The following TPD52L1 variants were observed in gnomAD, a reference collection of about 807,000 sequenced individuals.
TPD52L1 encodes the protein TPD52 like 1.
A neutral mutation model predicts 28.7 loss-of-function variants in TPD52L1; 18 were observed. That is an observed-to-expected ratio of 0.63 (90% confidence interval 0.43 to 0.93). The LOEUF (loss-of-function observed/expected upper bound fraction) is 0.93, where lower values mean the gene tolerates loss of function less well. TPD52L1 is among the 40% of genes least tolerant of loss of function. TPD52L1 has a pLI of 0.00. For missense variants in TPD52L1, 203 were observed against 254.8 expected (o/e 0.80, Z 1.39); for synonymous variants, 75 against 88.8 (o/e 0.84, Z 0.88).
chr6:125,187,291 T>C (rs1362610609), intron 1 of TPD52L1, among the ~76,000 whole-genome samples: 2 of 152,194 alleles, frequency 1.3e-5, no homozygotes, highest in Non-Finnish European at 2.9e-5. Context: ...ATAATTCCAA[T>C]TGCTGACAAG....
chr6:125,225,119 G>C (rs1259215759), intron 2 of TPD52L1, among the ~76,000 whole-genome samples: 1 of 152,164 alleles, frequency 6.6e-6, no homozygotes, highest in Admixed American at 6.5e-5. Context: ...TTTGTGTCTG[G>C]CTTCTTTCAC....
chr6:125,260,898 GAGAAAGAAAGGAAAGAAAGAAAGAAGAA>G lies in TPD52L1; in HGVS notation c.487-1925_487-1898del, dbSNP rs1562407898. On this transcript the variant is annotated intron_variant, in intron 6 of 6. Transcript: ENST00000534000. ...GAAAGAAAGAAAAAGAAAAGAGAGG[GAGAAAGAAAGGAAAGAAAGAAAGAAGAA>G]AGAAAGAAAGAAAGAAAGAAAGAAA... is the stretch of plus-strand genomic sequence containing the variant. The G allele has an allele frequency of 2.0e-4, 28 of 141,064 alleles. 2 individuals are homozygous for G. In the East Asian group the frequency reaches 5.8e-3, roughly 29 times the overall value. 8.7% of individuals were successfully genotyped at this position (141,064 alleles called of 1,614,324 possible).
intron 3 of TPD52L1, among the ~76,000 whole-genome samples, chr6:125,244,938 C>G (rs945989275): frequency 2.0e-5 from 3 of 152,190 alleles, no homozygotes; most frequent in Non-Finnish European, 4.4e-5. Context: ...TGCTCGCCCC[C>G]TTCCCTTAGA....
chr6:125,226,843 G>A lies in TPD52L1; in HGVS notation c.136-2275G>A, dbSNP rs78347651. 2.0e-3 allele frequency among the ~76,000 whole-genome samples: 309 copies of A among 152,250 alleles called. 2 individuals carry two copies. Among genetic ancestry groups the A allele is most frequent in the African/African-American group, 7.1e-3 (295 of 41,536 alleles). On this transcript the variant is annotated intron_variant, in intron 2 of 6. Coordinates refer to ENST00000534000, the MANE Select transcript of TPD52L1 (RefSeq NM_003287.4). ...ATATTGGGCAGCAGATTAAATGGAG[G>A]AGGACACATTGACAAAGATGAAAAA...
intron 1 of TPD52L1, among the ~76,000 whole-genome samples, chr6:125,213,262 C>G (rs1236702826): frequency 4.6e-5 from 7 of 152,110 alleles, no homozygotes; most frequent in Non-Finnish European, 1.0e-4. Flanking sequence ...AAGTTATCTT[C>G]TAGTTCAGAT....
chr6:125,228,056 T>C (rs1167647507), intron 2 of TPD52L1, among the ~76,000 whole-genome samples: 1 of 152,190 alleles, frequency 6.6e-6, no homozygotes, highest in Non-Finnish European at 1.5e-5. Flanking sequence ...CCATTGATAA[T>C]GCAGCAACAT....
At chr6:125,163,295 T>G (rs1166027787) in intron 1 of TPD52L1, among the ~76,000 whole-genome samples, 2 of 152,188 alleles carry the variant, frequency 1.3e-5, no homozygotes, top group African/African-American at 4.8e-5. Flanking sequence ...TGCACTTTTT[T>G]AAAAAGCATG....
intron 4 of TPD52L1, among the ~76,000 whole-genome samples, chr6:125,251,006 A>C (rs1485922900): frequency 6.6e-6 from 1 of 152,214 alleles, no homozygotes; most frequent in Non-Finnish European, 1.5e-5. Flanking sequence ...TTTGTATATA[A>C]ATGAGAATAA....
At chr6:125,187,044 A>C (rs1422443518) in intron 1 of TPD52L1, among the ~76,000 whole-genome samples, 1 of 152,214 alleles carries the variant, frequency 6.6e-6, no homozygotes, top group African/African-American at 2.4e-5. Flanking sequence ...AGGTGGGAGA[A>C]AGGATTGCAT....
Position 125,153,831 on chromosome 6 carries a change from A to T in TPD52L1, c.-121A>T. On this transcript the variant is annotated 5_prime_UTR_variant, in exon 1 of 7. Transcript: ENST00000534000. ...ACCCCCTCCGCGCAGCGCTCGCGACACGCGTGCCAGGAGTGGGAGCGAGCG... is the reference window on the plus strand; with the variant it reads ...ACCCCCTCCGCGCAGCGCTCGCGACTCGCGTGCCAGGAGTGGGAGCGAGCG... 2 of 1,177,980 alleles carry T rather than the reference A, an allele frequency of 1.7e-6. No individual in the cohort carries two copies. Among genetic ancestry groups the T allele is most frequent in the East Asian group, 3.0e-5 (1 of 33,878 alleles). 73.0% of individuals were successfully genotyped at this position (1,177,980 alleles called of 1,614,324 possible).
intron 1 of TPD52L1, among the ~76,000 whole-genome samples, chr6:125,160,548 C>G (rs545108547): frequency 6.6e-6 from 1 of 151,990 alleles, no homozygotes; most frequent in South Asian, 2.1e-4. Context: ...TTCATAAGGG[C>G]CTTAGAACTT....
At chr6:125,200,256 T>C (rs1793719329) in intron 1 of TPD52L1, among the ~76,000 whole-genome samples, 1 of 152,152 alleles carries the variant, frequency 6.6e-6, no homozygotes, top group African/African-American at 2.4e-5. Flanking sequence ...CTAGATTCAG[T>C]CAGTTGTTAA....
At chr6:125,170,571 T>G (rs1311677924) in intron 1 of TPD52L1, among the ~76,000 whole-genome samples, 1 of 151,998 alleles carries the variant, frequency 6.6e-6, no homozygotes, top group Non-Finnish European at 1.5e-5. Context: ...CAGCCCTTGT[T>G]ACATCATCCT....
At chr6:125,227,242 G>C (rs1159329492) in intron 2 of TPD52L1, among the ~76,000 whole-genome samples, 1 of 152,170 alleles carries the variant, frequency 6.6e-6, no homozygotes, top group African/African-American at 2.4e-5. Context: ...TTGTGATTCA[G>C]TATTTCTGCT....
At chr6:125,180,438 A>C (rs1381531807) in intron 1 of TPD52L1, among the ~76,000 whole-genome samples, 1 of 152,122 alleles carries the variant, frequency 6.6e-6, no homozygotes, top group Non-Finnish European at 1.5e-5. Flanking sequence ...ATAACTTTTT[A>C]AAATTGATCA....
In TPD52L1 at chr6:125,262,859, A is replaced by G; in HGVS notation, c.512A>G (p.Asn171Ser). The stretch of plus-strand genomic sequence containing the variant: ...ACGAAAGTAGGCGGTACGAACCCTA[A>G]TGGAGGCAGTTTTGAGGAGGTCCTC... ...LKTKVGGTNP[N>S]GGSFEEVLSS... The change falls in exon 7 of 7, where the codon AAT becomes AGT. Residue 171 changes from asparagine (N) to serine (S), a missense_variant. By Grantham distance (46) the Asn-to-Ser change is conservative. Coordinates refer to ENST00000534000, the MANE Select transcript of TPD52L1 (RefSeq NM_003287.4). 3 of 1,614,234 alleles carry G rather than the reference A, an allele frequency of 1.9e-6. No individual in the cohort carries two copies. Among genetic ancestry groups the G allele is most frequent in the African/African-American group, 1.3e-5 (1 of 75,076 alleles).
intron 1 of TPD52L1, among the ~76,000 whole-genome samples, chr6:125,186,802 C>T (rs960095796): frequency 4.6e-5 from 7 of 152,050 alleles, no homozygotes; most frequent in African/African-American, 1.4e-4. Context: ...TATTGTATGC[C>T]TTATAAAGTT....
intron 1 of TPD52L1, among the ~76,000 whole-genome samples, chr6:125,166,939 GA>G (rs1418386293): frequency 6.6e-6 from 1 of 152,022 alleles, no homozygotes; most frequent in Admixed American, 6.6e-5. Flanking sequence ...AGGATTTCGG[GA>G]ACTCAAATGC....
chr6:125,187,349 C>T (rs1400558257), intron 1 of TPD52L1, among the ~76,000 whole-genome samples: 1 of 152,138 alleles, frequency 6.6e-6, no homozygotes, highest in Non-Finnish European at 1.5e-5. Flanking sequence ...ATGTGAATTA[C>T]TACACTCTTT....
Sources: allele counts gnomAD v4.1 joint callset (sites outside exome capture counted in the v4.1 genomes callset), GRCh38; gene constraint gnomAD v4.1.1; transcripts MANE v1.5; gene names NCBI Gene and HGNC (gene_info 2026-07-23, HGNC 2026-07-21).